PALLD: variants seen among roughly 807,000 people sequenced by gnomAD.
PALLD encodes palladin, cytoskeletal associated protein, also known as palladin.
Under a neutral mutation model 123.5 loss-of-function variants are expected in PALLD, and 61 were observed. The observed-to-expected ratio is 0.49, with a 90% CI of 0.40 to 0.61. PALLD has a LOEUF of 0.61. Among genes scored for constraint, PALLD ranks in the 20% least tolerant of loss-of-function variants. The pLI, the probability that PALLD is intolerant of heterozygous loss-of-function variation, is 0.00. For missense variants in PALLD, 1,273 were observed against 1,377.0 expected, an observed-to-expected ratio of 0.92 and a Z score of 1.20; for synonymous variants, 465 against 496.4, an observed-to-expected ratio of 0.94 and a Z score of 0.84.
intron 2 of PALLD, among the ~76,000 whole-genome samples, chr4:168,564,387 G>T (rs1023158261): frequency 3.3e-5 from 5 of 152,106 alleles, no homozygotes; most frequent in Non-Finnish European, 5.9e-5. Context: ...ACATATAACT[G>T]CATATTACAT....
chr4:168,786,272 G>A (rs955200129), intron 10 of PALLD, among the ~76,000 whole-genome samples: 3 of 152,056 alleles, frequency 2.0e-5, no homozygotes, highest in Non-Finnish European at 4.4e-5. Flanking sequence ...AAGTTGCAGT[G>A]AGCCGAGATC....
At chr4:168,647,534 A>T (rs932232800) in intron 2 of PALLD, among the ~76,000 whole-genome samples, 1 of 152,198 alleles carries the variant, frequency 6.6e-6, no homozygotes, top group African/African-American at 2.4e-5. Context: ...TAATCCCAGC[A>T]CTTTGGGAGG....
At chr4:168,876,711 C>G (rs1331509086) in intron 10 of PALLD, among the ~76,000 whole-genome samples, 2 of 152,088 alleles carry the variant, frequency 1.3e-5, no homozygotes, top group Non-Finnish European at 2.9e-5. Context: ...TTGATTTTTG[C>G]CTATGGATAA....
chr4:168,613,271 A>G (rs1773909013), intron 2 of PALLD, among the ~76,000 whole-genome samples: 1 of 152,158 alleles, frequency 6.6e-6, no homozygotes, highest in Admixed American at 6.5e-5. Context: ...AACCCAAATG[A>G]ATTGTTCACC....
intron 3 of PALLD, among the ~76,000 whole-genome samples, chr4:168,671,268 C>T (rs1780249637): frequency 6.6e-6 from 1 of 152,174 alleles, no homozygotes; most frequent in Non-Finnish European, 1.5e-5. Context: ...TGTGTAAAAG[C>T]CTCTGAACTG....
chr4:168,921,144 G>A (rs1411752715), intron 17 of PALLD, among the ~76,000 whole-genome samples: 1 of 152,098 alleles, frequency 6.6e-6, no homozygotes, highest in Non-Finnish European at 1.5e-5. Context: ...AATGGCTCAT[G>A]CTTGTAATCC....
intron 10 of PALLD, among the ~76,000 whole-genome samples, chr4:168,858,634 T>G (rs547411591): frequency 6.6e-6 from 1 of 152,066 alleles, no homozygotes; most frequent in East Asian, 1.9e-4. Context: ...GTAAAAAAAT[T>G]AGCTGGGCAC....
At chr4:168,637,836 C>T (rs966419999) in intron 2 of PALLD, among the ~76,000 whole-genome samples, 15 of 148,424 alleles carry the variant, frequency 1.0e-4, no homozygotes, top group African/African-American at 1.5e-4. Context: ...CCCAGCTACC[C>T]GGTTGGCTGA....
chr4:168,788,042 C>T (rs1019714142), intron 10 of PALLD, among the ~76,000 whole-genome samples: 5 of 152,198 alleles, frequency 3.3e-5, no homozygotes, highest in South Asian at 4.1e-4. Flanking sequence ...ATCTTTGTTA[C>T]GTAGTCAAGT....
intron 2 of PALLD, among the ~76,000 whole-genome samples, chr4:168,549,353 C>G (rs1483791148): frequency 1.3e-5 from 2 of 148,690 alleles, no homozygotes; most frequent in Admixed American, 6.7e-5. Context: ...GGTGGGTGTT[C>G]AAAACAATTT....
intron 2 of PALLD, among the ~76,000 whole-genome samples, chr4:168,667,647 C>T (rs543684646): frequency 2.0e-5 from 3 of 152,210 alleles, no homozygotes; most frequent in Admixed American, 1.3e-4. Context: ...GAGGCCAAGG[C>T]GGTCTGCTAG....
chr4:168,715,344 T>G (rs1479269221), intron 10 of PALLD, among the ~76,000 whole-genome samples: 4 of 152,212 alleles, frequency 2.6e-5, no homozygotes, highest in African/African-American at 9.7e-5. Flanking sequence ...ACAGGATTTG[T>G]GCAACGCCTT....
chr4:168,499,308 A>AAGGG (rs1280247312), intron 1 of PALLD, among the ~76,000 whole-genome samples: 4 of 43,944 alleles, frequency 9.1e-5, no homozygotes, highest in Non-Finnish European at 1.7e-4. Flanking sequence ...GGGAGGGAGG[A>AAGGG]AGGGAGGGAG....
At chr4:168,561,891 C>T (rs962658652) in intron 2 of PALLD, among the ~76,000 whole-genome samples, 1 of 152,034 alleles carries the variant, frequency 6.6e-6, no homozygotes, top group African/African-American at 2.4e-5. Context: ...AAAGAGCTAC[C>T]GTGACTTTTC....
intron 2 of PALLD, among the ~76,000 whole-genome samples, chr4:168,622,627 A>T (rs1357350294): frequency 6.6e-6 from 1 of 152,234 alleles, no homozygotes; most frequent in Non-Finnish European, 1.5e-5. Flanking sequence ...AGCCCAAAAG[A>T]GAAGTAGCAT....
In PALLD at chr4:168,785,500, C is replaced by T. The variant is rs1369046232; in HGVS notation, c.1964+73577C>T. On this transcript the variant is annotated intron_variant, in intron 10 of 21. Coordinates refer to ENST00000505667, the MANE Select transcript of PALLD (RefSeq NM_001166108.2). ...CAGAGTTAAACCAAAACAATGCACT[C>T]GGAACTATAGTGAAACATTTGAACA... Among the ~76,000 whole-genome samples the T allele has an allele frequency of 2.0e-5, 3 of 152,086 alleles. No individual in the cohort carries two copies. The East Asian group carries it at 5.8e-4, about 29-fold the overall frequency.
intron 10 of PALLD, among the ~76,000 whole-genome samples, chr4:168,776,477 A>G (rs1276098933): frequency 1.3e-5 from 2 of 152,176 alleles, no homozygotes; most frequent in Non-Finnish European, 2.9e-5. Flanking sequence ...TCCTTTCCAA[A>G]CTAGATGCCT....
intron 16 of PALLD, 50 bp downstream of exon 16, chr4:168,914,071 T>TACATTTATAGTA: frequency 1.9e-6 from 2 of 1,066,226 alleles, no homozygotes; most frequent in Admixed American, 1.7e-5. Context: ...TATTTATTAC[T>TACATTTATAGTA]ATAAATGTAG....
intron 12 of PALLD, 76 bp from the exon 13 acceptor site, chr4:168,896,473 A>C (rs1216965226): frequency 1.1e-6 from 1 of 888,960 alleles, no homozygotes; most frequent in East Asian, 2.6e-5. Flanking sequence ...AGTTTCACTT[A>C]AGGAAAATTA....
Sources: allele counts gnomAD v4.1 joint callset (sites outside exome capture counted in the v4.1 genomes callset), GRCh38; gene constraint gnomAD v4.1.1; transcripts MANE v1.5; gene names NCBI Gene and HGNC (gene_info 2026-07-23, HGNC 2026-07-21).